The following NRXN3 variants were observed in gnomAD, a reference collection of about 807,000 sequenced individuals.
The protein encoded by NRXN3 is neurexin 3, also known as neurexin III.
A neutral mutation model predicts 137.6 loss-of-function variants in NRXN3; 32 were observed. The ratio of observed to expected loss-of-function variants is 0.23; its 90% CI spans 0.18 to 0.31. The LOEUF (loss-of-function observed/expected upper bound fraction) is 0.31, where lower values mean the gene tolerates loss of function less well. Ranked by LOEUF, NRXN3 falls within the 10% of genes least tolerant of loss-of-function variation. The pLI is 1.00. For missense variants in NRXN3, 1,574 were observed against 2,062.5 expected (o/e 0.76, Z 4.59); for synonymous variants, 798 against 784.5 (o/e 1.02, Z -0.29).
chr14:78,555,004 C>G (rs979975760), intron 4 of NRXN3, among the ~76,000 whole-genome samples: 5 of 152,084 alleles, frequency 3.3e-5, no homozygotes, highest in Admixed American at 3.3e-4. Context: ...CCATTGGGAG[C>G]TTATTCACTC....
At chr14:79,608,670 C>T (rs1413119259) in intron 16 of NRXN3, among the ~76,000 whole-genome samples, 2 of 152,030 alleles carry the variant, frequency 1.3e-5, no homozygotes, top group Non-Finnish European at 2.9e-5. Flanking sequence ...GCCTGGGGCG[C>T]TTCTAGTATT....
chr14:78,847,942 A>T (rs2099032127), intron 10 of NRXN3, among the ~76,000 whole-genome samples: 1 of 152,116 alleles, frequency 6.6e-6, no homozygotes, highest in African/African-American at 2.4e-5. Flanking sequence ...CTGTCTTTTC[A>T]CATGGGAAAG....
intron 16 of NRXN3, among the ~76,000 whole-genome samples, chr14:79,598,975 A>G (rs954794750): frequency 3.9e-5 from 6 of 152,166 alleles, no homozygotes; most frequent in African/African-American, 9.6e-5. Context: ...CTTTTAGTTA[A>G]CTGCTGTCTG....
chr14:79,251,063 A>G (rs1439921589), intron 15 of NRXN3, among the ~76,000 whole-genome samples: 1 of 152,174 alleles, frequency 6.6e-6, no homozygotes, highest in Non-Finnish European at 1.5e-5. Flanking sequence ...TACAGCTGAC[A>G]TGATAGGACA....
chr14:79,243,686 A>G (rs1382107072), intron 15 of NRXN3, among the ~76,000 whole-genome samples: 3 of 152,166 alleles, frequency 2.0e-5, no homozygotes, highest in Admixed American at 1.3e-4. Context: ...CTCATACAGC[A>G]TGTTACTGTA....
chr14:78,277,477 C>T (rs903524812), intron 2 of NRXN3, among the ~76,000 whole-genome samples: 1 of 152,158 alleles, frequency 6.6e-6, no homozygotes, highest in African/African-American at 2.4e-5. Flanking sequence ...ATTTTCTAGT[C>T]TGTGCCCCTG....
chr14:78,247,744 C>T (rs181698879), intron 2 of NRXN3, among the ~76,000 whole-genome samples: 98 of 152,296 alleles, frequency 6.4e-4, no homozygotes, highest in Non-Finnish European at 1.0e-3. Flanking sequence ...CTCCAGAGAG[C>T]GGTCCCCTCA....
At chr14:78,438,383 T>A (rs1021094899) in intron 4 of NRXN3, among the ~76,000 whole-genome samples, 2 of 152,190 alleles carry the variant, frequency 1.3e-5, no homozygotes, top group Non-Finnish European at 2.9e-5. Flanking sequence ...ATGTGACCTG[T>A]GCAGTGGGTG....
At chr14:78,259,591 G>A (rs2070337077) in intron 2 of NRXN3, among the ~76,000 whole-genome samples, 1 of 152,138 alleles carries the variant, frequency 6.6e-6, no homozygotes, top group South Asian at 2.1e-4. Context: ...GGCTCAGCTA[G>A]CAATATAAGT....
chr14:79,596,791 G>T (rs1602666571), intron 16 of NRXN3, among the ~76,000 whole-genome samples: 1 of 152,160 alleles, frequency 6.6e-6, no homozygotes. Flanking sequence ...TGTTATTTGT[G>T]GTTTATGGTC....
At chr14:79,441,912 G>A (rs1600351997) in intron 15 of NRXN3, among the ~76,000 whole-genome samples, 1 of 150,066 alleles carries the variant, frequency 6.7e-6, no homozygotes, top group African/African-American at 2.4e-5. Flanking sequence ...CAGGATACAT[G>A]TTTTATCAGC....
intron 4 of NRXN3, among the ~76,000 whole-genome samples, chr14:78,419,940 T>TGC (rs2093349382): frequency 1.2e-5 from 1 of 82,850 alleles, no homozygotes; most frequent in South Asian, 4.3e-4. Flanking sequence ...TGTGTGCACG[T>TGC]GTGTGCGCGC....
chr14:79,578,321 G>A (rs2097684079), intron 16 of NRXN3, among the ~76,000 whole-genome samples: 2 of 152,162 alleles, frequency 1.3e-5, no homozygotes, highest in Admixed American at 6.5e-5. Context: ...CAATAGGCAC[G>A]ATGTTGCTGA....
rs964057597 is a variant in NRXN3 at position 79,447,123 on chromosome 14, G to A, written c.3263-20098G>A. On this transcript the variant is annotated intron_variant, in intron 15 of 20. Transcript: ENST00000335750. ...TGTTAGACATTGTGGAGAAATAATA[G>A]CAAGGAAATGTTTGTTCTGGTCCAC... Among the ~76,000 whole-genome samples the A allele has an allele frequency of 4.6e-5, 7 of 152,266 alleles. No homozygotes were observed. In the East Asian group the frequency reaches 1.4e-3, roughly 29 times the overall value.
At chr14:78,965,455 T>C (rs752749876) in intron 11 of NRXN3, among the ~76,000 whole-genome samples, 13 of 152,146 alleles carry the variant, frequency 8.5e-5, no homozygotes, top group Non-Finnish European at 1.5e-4. Context: ...TTGATTAGGG[T>C]CAACTTTATC....
intron 4 of NRXN3, among the ~76,000 whole-genome samples, chr14:78,460,987 C>T (rs997630326): frequency 3.9e-5 from 6 of 152,132 alleles, no homozygotes; most frequent in African/African-American, 1.4e-4. Context: ...GGCCTGTTGG[C>T]ATATGTCTAA....
chr14:79,773,563 G>A (rs1185252275), intron 19 of NRXN3, among the ~76,000 whole-genome samples: 1 of 145,664 alleles, frequency 6.9e-6, no homozygotes, highest in Non-Finnish European at 1.5e-5. Context: ...TCACTCATAG[G>A]TGGGAATTGA....
chr14:79,696,674 A>G (rs1260644551), intron 18 of NRXN3, among the ~76,000 whole-genome samples: 1 of 151,926 alleles, frequency 6.6e-6, no homozygotes, highest in Non-Finnish European at 1.5e-5. Flanking sequence ...TCTAAACTCT[A>G]TACTGGTATG....
At chr14:79,216,395 C>T (rs1453722959) in intron 15 of NRXN3, among the ~76,000 whole-genome samples, 1 of 152,158 alleles carries the variant, frequency 6.6e-6, no homozygotes, top group Non-Finnish European at 1.5e-5. Context: ...TCATTGGTTA[C>T]ATGTGAATCA....
Sources: gnomAD v4.1 joint callset for allele counts (sites outside exome capture counted in the v4.1 genomes callset) on GRCh38, gnomAD v4.1.1 for gene constraint, MANE v1.5 for transcripts, NCBI Gene and HGNC (gene_info 2026-07-23, HGNC 2026-07-21) for gene names.